The following DLGAP2 variants were observed in gnomAD, a reference collection of about 807,000 sequenced individuals.
DLGAP2 encodes DLG associated protein 2, also known as disks large-associated protein 2.
Under a neutral mutation model 100.3 loss-of-function variants are expected in DLGAP2, and 26 were observed. The ratio of observed to expected loss-of-function variants is 0.26; its 90% CI spans 0.19 to 0.36. The LOEUF (loss-of-function observed/expected upper bound fraction) is 0.36, where lower values mean the gene tolerates loss of function less well. Ranked by LOEUF, DLGAP2 falls within the 10% of genes least tolerant of loss-of-function variation. The pLI, the probability that DLGAP2 is intolerant of heterozygous loss-of-function variation, is 1.00. For missense variants in DLGAP2, 1,858 were observed against 1,453.2 expected (o/e 1.28, Z -4.53); for synonymous variants, 886 against 630.1 (o/e 1.41, Z -6.08).
chr8:1,497,962 G>T (rs947615549), intron 3 of DLGAP2, among the ~76,000 whole-genome samples: 3 of 152,232 alleles, frequency 2.0e-5, no homozygotes, highest in African/African-American at 7.2e-5. Context: ...CATGTGTCCA[G>T]TGTGGTCAAG....
At chr8:960,719 T>C (rs541579631) in intron 2 of DLGAP2, among the ~76,000 whole-genome samples, 9 of 152,354 alleles carry the variant, frequency 5.9e-5, no homozygotes, top group South Asian at 4.1e-4. Context: ...CCTCGACTTA[T>C]GATGGAGTTA....
intron 2 of DLGAP2, among the ~76,000 whole-genome samples, chr8:1,062,342 A>C (rs1803109686): frequency 6.6e-6 from 1 of 152,098 alleles, no homozygotes; most frequent in Non-Finnish European, 1.5e-5. Flanking sequence ...GGCTGACTGG[A>C]GCCTCGGAGG....
chr8:1,669,862 C>A (rs1798646476), intron 10 of DLGAP2, 78 bp downstream of exon 10: 9 of 774,784 alleles, frequency 1.2e-5, no homozygotes, highest in Admixed American at 1.7e-5. Flanking sequence ...TTCATGCGAC[C>A]GCTCTTGTCG....
At chr8:1,036,220 C>T (rs1339700815) in intron 2 of DLGAP2, among the ~76,000 whole-genome samples, 8 of 152,028 alleles carry the variant, frequency 5.3e-5, no homozygotes, top group African/African-American at 1.2e-4. Flanking sequence ...ATCCCGACCC[C>T]GCGTGTCACC....
In DLGAP2 at chr8:1,114,720, T is replaced by C; in HGVS notation, c.74-144131T>C. Among the ~76,000 whole-genome samples, 2 of 152,164 alleles carry C rather than the reference T, an allele frequency of 1.3e-5. 1 individual carries two copies. Among genetic ancestry groups the C allele is most frequent in the Non-Finnish European group, 2.9e-5 (2 of 68,026 alleles). On this transcript the variant is annotated intron_variant, in intron 2 of 14. Coordinates refer to ENST00000637795, the MANE Select transcript of DLGAP2 (RefSeq NM_001346810.2). The stretch of plus-strand genomic sequence containing the variant: ...TTTCTTCAGCTCTGATTTTGGTTAT[T>C]TCTTGTCTTCTGCTAGCTTTGGAGT...
chr8:1,377,644 T>C (rs940099733), intron 3 of DLGAP2, among the ~76,000 whole-genome samples: 4 of 152,202 alleles, frequency 2.6e-5, no homozygotes, highest in Non-Finnish European at 5.9e-5. Context: ...CAGAACCCAG[T>C]GTGCCCTGAG....
intron 1 of DLGAP2, among the ~76,000 whole-genome samples, chr8:749,447 G>T (rs1464636643): frequency 6.6e-6 from 1 of 152,028 alleles, no homozygotes; most frequent in African/African-American, 2.4e-5. Flanking sequence ...ATCAGAATTG[G>T]AAATTACCTT....
At chr8:749,843 C>G (rs1392436363) in intron 1 of DLGAP2, among the ~76,000 whole-genome samples, 1 of 152,176 alleles carries the variant, frequency 6.6e-6, no homozygotes, top group Non-Finnish European at 1.5e-5. Context: ...CCTGCTCCCT[C>G]CAGAGGTGTG....
chr8:1,437,835 A>AAAAAAAAC (rs1797694556), intron 3 of DLGAP2, among the ~76,000 whole-genome samples: 1 of 148,570 alleles, frequency 6.7e-6, no homozygotes, highest in South Asian at 2.1e-4. Context: ...AAAAAAAAAA[A>AAAAAAAAC]ATTAGCCGGG....
At chr8:973,610 G>A (rs1314136460) in intron 2 of DLGAP2, among the ~76,000 whole-genome samples, 8 of 152,220 alleles carry the variant, frequency 5.3e-5, no homozygotes, top group South Asian at 2.1e-4. Context: ...CAAGGCAGGC[G>A]GCTGGGAGGT....
At chr8:1,242,453 C>G (rs1490211232) in intron 2 of DLGAP2, among the ~76,000 whole-genome samples, 1 of 152,174 alleles carries the variant, frequency 6.6e-6, no homozygotes, top group Non-Finnish European at 1.5e-5. Flanking sequence ...TGGCCACGGA[C>G]CTTGTTCACT....
intron 2 of DLGAP2, among the ~76,000 whole-genome samples, chr8:987,083 A>T (rs1800509132): frequency 6.6e-6 from 1 of 151,660 alleles, no homozygotes; most frequent in South Asian, 2.1e-4. Flanking sequence ...GCTTCACCAA[A>T]CTCCCGTCTT....
chr8:1,253,818 CT>C (rs1466265216), intron 2 of DLGAP2, among the ~76,000 whole-genome samples: 1 of 152,106 alleles, frequency 6.6e-6, no homozygotes, highest in Non-Finnish European at 1.5e-5. Flanking sequence ...CATTGTGAAT[CT>C]TTTTTAATGG....
At chr8:1,008,441 TA>T (rs1353782360) in intron 2 of DLGAP2, among the ~76,000 whole-genome samples, 10 of 152,230 alleles carry the variant, frequency 6.6e-5, no homozygotes, top group Non-Finnish European at 1.3e-4. Context: ...ACTCAACTTT[TA>T]AAAAGAAGTA....
intron 3 of DLGAP2, among the ~76,000 whole-genome samples, chr8:1,386,703 C>G (rs1219293494): frequency 4.6e-5 from 7 of 152,066 alleles, no homozygotes; most frequent in Non-Finnish European, 1.0e-4. Context: ...GGGATTCAGC[C>G]AGGTTAGCAG....
chr8:881,672 C>CATACAT (rs1407110849), intron 1 of DLGAP2, among the ~76,000 whole-genome samples: 1 of 53,562 alleles, frequency 1.9e-5, no homozygotes, highest in South Asian at 4.8e-4. Flanking sequence ...GCTGAACACA[C>CATACAT]ACACACACAC....
At chr8:1,261,036 T>C (rs1799337322) in intron 3 of DLGAP2, among the ~76,000 whole-genome samples, 1 of 152,212 alleles carries the variant, frequency 6.6e-6, no homozygotes, top group South Asian at 2.1e-4. Context: ...GGAGGAAACG[T>C]GTTCGTTCCT....
At chr8:882,970 TG>T (rs1797841445) in intron 1 of DLGAP2, among the ~76,000 whole-genome samples, 1 of 152,242 alleles carries the variant, frequency 6.6e-6, no homozygotes, top group South Asian at 2.1e-4. Flanking sequence ...GAGTTTTTGT[TG>T]GTGACACTGA....
intron 2 of DLGAP2, among the ~76,000 whole-genome samples, chr8:936,066 C>T (rs992160977): frequency 3.3e-5 from 5 of 152,120 alleles, no homozygotes; most frequent in African/African-American, 4.8e-5. Context: ...AATTAGCTCG[C>T]GGAGCACGTT....
Sources: gnomAD v4.1 joint callset for allele counts (sites outside exome capture counted in the v4.1 genomes callset) on GRCh38, gnomAD v4.1.1 for gene constraint, MANE v1.5 for transcripts, NCBI Gene and HGNC (gene_info 2026-07-23, HGNC 2026-07-21) for gene names.